The following MTX2 variants were observed in gnomAD, a reference collection of about 807,000 sequenced individuals.
MTX2 encodes the protein metaxin 2.
Under a neutral mutation model 42.3 loss-of-function variants are expected in MTX2, and 35 were observed. That is an observed-to-expected ratio of 0.83 (90% CI 0.63 to 1.10). The LOEUF (loss-of-function observed/expected upper bound fraction) is 1.10. MTX2 is among the 50% of genes least tolerant of loss of function. The pLI is 0.00. For synonymous variants in MTX2, 119 were observed against 100.9 expected (o/e 1.18, Z -1.08); for missense variants, 307 against 304.1 (o/e 1.01, Z -0.07).
intron 1 of MTX2, among the ~76,000 whole-genome samples, chr2:176,282,404 G>A (rs569166522): frequency 1.3e-5 from 2 of 151,938 alleles, no homozygotes; most frequent in Non-Finnish European, 2.9e-5. Flanking sequence ...TGAACATTTT[G>A]CCTCCGTTTC....
At chr2:176,298,973 G>A (rs1174159216) in intron 3 of MTX2, among the ~76,000 whole-genome samples, 1 of 151,996 alleles carries the variant, frequency 6.6e-6, no homozygotes, top group East Asian at 1.9e-4. Context: ...AAGCTATCGG[G>A]ATCCCCTAGG....
chr2:176,318,031 C>G (rs1215276094), intron 3 of MTX2, among the ~76,000 whole-genome samples: 1 of 152,094 alleles, frequency 6.6e-6, no homozygotes, highest in East Asian at 1.9e-4. Context: ...TTCCTCTGCC[C>G]TCTGCCCTGC....
At chr2:176,273,670 C>T (rs1692877319) in intron 1 of MTX2, among the ~76,000 whole-genome samples, 1 of 152,156 alleles carries the variant, frequency 6.6e-6, no homozygotes, top group African/African-American at 2.4e-5. Flanking sequence ...TGAACTGCTT[C>T]TATCTCCTTA....
intron 9 of MTX2, among the ~76,000 whole-genome samples, chr2:176,336,815 C>CT (rs1684996448): frequency 6.6e-6 from 1 of 151,988 alleles, no homozygotes; most frequent in Admixed American, 6.6e-5. Flanking sequence ...TCTTACGTGG[C>CT]TTTTTTCTTT....
intron 3 of MTX2, among the ~76,000 whole-genome samples, chr2:176,299,304 C>T (rs747871068): frequency 2.6e-5 from 4 of 151,972 alleles, no homozygotes; most frequent in Non-Finnish European, 4.4e-5. Context: ...TTGACAAACC[C>T]TGGAATAGGT....
In MTX2 at chr2:176,297,001, A is replaced by C; in HGVS notation, c.88+94A>C. ...ATACAATTTACTGCAAAGAGAATAT[A>C]AAATGTAAAGAAGGGATTCCCTTGT... On this transcript the variant is annotated intron_variant, in intron 2 of 9. Transcript: ENST00000249442. 4 of 1,317,886 alleles carry C rather than the reference A, an allele frequency of 3.0e-6. 1 individual carries two copies. The South Asian group carries it at 4.8e-5, about 16-fold the overall frequency. 81.6% of individuals were successfully genotyped at this position (1,317,886 alleles called of 1,614,324 possible).
At chr2:176,319,267 G>C (rs757313479) in intron 3 of MTX2, among the ~76,000 whole-genome samples, 15 of 152,052 alleles carry the variant, frequency 9.9e-5, no homozygotes, top group Non-Finnish European at 2.1e-4. Flanking sequence ...CAGTTATTTG[G>C]AGTATTTTTT....
At chr2:176,336,794 T>G (rs1684995876) in intron 9 of MTX2, among the ~76,000 whole-genome samples, 1 of 152,154 alleles carries the variant, frequency 6.6e-6, no homozygotes, top group Admixed American at 6.5e-5. Flanking sequence ...CAAGTTGTGG[T>G]AGGATTTGTT....
intron 3 of MTX2, among the ~76,000 whole-genome samples, chr2:176,317,484 A>T (rs567409935): frequency 9.9e-5 from 15 of 152,202 alleles, no homozygotes; most frequent in African/African-American, 3.4e-4. Context: ...GTATCTATTG[A>T]TCTCTGCTAA....
intron 2 of MTX2, 42 bp downstream of exon 2, chr2:176,296,949 ATATT>A: frequency 6.4e-7 from 1 of 1,562,882 alleles, no homozygotes; most frequent in Non-Finnish European, 8.8e-7. Flanking sequence ...GTATCAAACT[ATATT>A]TATTACGGAA....
intron 9 of MTX2, among the ~76,000 whole-genome samples, chr2:176,333,500 A>C (rs1684908127): frequency 6.6e-6 from 1 of 151,700 alleles, no homozygotes; most frequent in African/African-American, 2.4e-5. Context: ...TCACCTATCA[A>C]CTAAAATATT....
chr2:176,290,334 G>A (rs1575038482), intron 1 of MTX2, among the ~76,000 whole-genome samples: 1 of 152,116 alleles, frequency 6.6e-6, no homozygotes, highest in South Asian at 2.1e-4. Flanking sequence ...CCCCCCGCAA[G>A]CTTTCTCCTT....
At chr2:176,332,213 A>T (rs572046222) in intron 9 of MTX2, among the ~76,000 whole-genome samples, 1 of 151,362 alleles carries the variant, frequency 6.6e-6, no homozygotes, top group African/African-American at 2.4e-5. Context: ...AAGAGATTTG[A>T]TTTTTAATTT....
At chr2:176,328,202 G>C in intron 5 of MTX2, 91 bp from the exon 6 acceptor site, 1 of 708,350 alleles carries the variant, frequency 1.4e-6, no homozygotes, top group Non-Finnish European at 2.2e-6. Flanking sequence ...TCATTGTATA[G>C]TTGCATGTTA....
At chr2:176,300,415 G>C (rs1263682129) in intron 3 of MTX2, among the ~76,000 whole-genome samples, 1 of 152,078 alleles carries the variant, frequency 6.6e-6, no homozygotes, top group East Asian at 1.9e-4. Flanking sequence ...TATTATTTTA[G>C]TATGTAACCA....
At chr2:176,327,732 A>G (rs1684743491) in intron 5 of MTX2, among the ~76,000 whole-genome samples, 4 of 150,696 alleles carry the variant, frequency 2.7e-5, no homozygotes. Flanking sequence ...TAAATTCCTA[A>G]GGTTGGTATT....
intron 1 of MTX2, among the ~76,000 whole-genome samples, chr2:176,278,057 T>G (rs1283327238): frequency 2.2e-5 from 3 of 137,692 alleles, no homozygotes; most frequent in Non-Finnish European, 3.1e-5. Context: ...TTTTTTTTTT[T>G]TTTTTTTTTT....
intron 1 of MTX2, chr2:176,270,249 C>T (rs772386968): frequency 9.9e-5 from 78 of 790,748 alleles, no homozygotes; most frequent in Non-Finnish European, 1.2e-4. Flanking sequence ...GGGCTCACTG[C>T]AACCTCCGCT....
intron 2 of MTX2, among the ~76,000 whole-genome samples, chr2:176,297,222 G>A (rs1188789785): frequency 1.3e-5 from 2 of 152,156 alleles, no homozygotes; most frequent in Admixed American, 1.3e-4. Context: ...AAGTCCTGTG[G>A]TAAAGTGGGC....
Sources: gnomAD v4.1 joint callset for allele counts (sites outside exome capture counted in the v4.1 genomes callset) on GRCh38, gnomAD v4.1.1 for gene constraint, MANE v1.5 for transcripts, NCBI Gene and HGNC (gene_info 2026-07-23, HGNC 2026-07-21) for gene names.